Variants in PLCB4 observed in about 807,000 individuals in gnomAD.
PLCB4 encodes the protein phospholipase C beta 4.
Under a neutral mutation model 178.8 loss-of-function variants are expected in PLCB4, and 77 were observed. The ratio of observed to expected loss-of-function variants is 0.43; its 90% confidence interval spans 0.36 to 0.52. The LOEUF (loss-of-function observed/expected upper bound fraction) is 0.52, where lower values mean the gene tolerates loss of function less well. Among genes scored for constraint, PLCB4 ranks in the 20% least tolerant of loss-of-function variants. The probability of loss-of-function intolerance (pLI) is 0.00; values close to 1 mark genes in which losing one functional copy is unlikely to be tolerated. For missense variants in PLCB4, 1,024 were observed against 1,453.4 expected, an observed-to-expected ratio of 0.70 and a Z score of 4.80; for synonymous variants, 496 against 490.8, an observed-to-expected ratio of 1.01 and a Z score of -0.14.
chr20:9,470,458 A>G (rs2044113543), intron 36 of PLCB4, among the ~76,000 whole-genome samples: 2 of 152,200 alleles, frequency 1.3e-5, no homozygotes, highest in Admixed American at 1.3e-4. Context: ...TATTCCAGCC[A>G]TGATAAAACC....
chr20:9,090,510 G>GTT (rs1491024281), intron 1 of PLCB4, among the ~76,000 whole-genome samples: 2 of 96,320 alleles, frequency 2.1e-5, no homozygotes. Flanking sequence ...CATTTTTAGT[G>GTT]TGTTTTTTTT....
chr20:9,258,341 C>T (rs963069584), intron 3 of PLCB4, among the ~76,000 whole-genome samples: 2 of 152,038 alleles, frequency 1.3e-5, no homozygotes, highest in Non-Finnish European at 2.9e-5. Context: ...AACACATTTT[C>T]ACGATATTTC....
intron 3 of PLCB4, among the ~76,000 whole-genome samples, chr20:9,293,622 T>TTC (rs139529215): frequency 6.6e-6 from 1 of 150,748 alleles, no homozygotes; most frequent in South Asian, 2.1e-4. Context: ...CAGAGTAAAA[T>TTC]ATTCATTCAT....
At chr20:9,387,069 G>A (rs1224445396) in intron 14 of PLCB4, among the ~76,000 whole-genome samples, 8 of 151,562 alleles carry the variant, frequency 5.3e-5, no homozygotes, top group Non-Finnish European at 1.5e-5. Context: ...GCTAATTTTT[G>A]TATTTTTAGT....
chr20:9,296,713 A>G (rs539869854), intron 3 of PLCB4, among the ~76,000 whole-genome samples: 19 of 152,194 alleles, frequency 1.2e-4, no homozygotes, highest in Non-Finnish European at 2.8e-4. Context: ...TTGTAGGGAC[A>G]TGGATGAAGC....
chr20:9,450,658 C>CTTTTTTTTTTTTTTTTTT (rs60982044), intron 32 of PLCB4, among the ~76,000 whole-genome samples: 10 of 100,268 alleles, frequency 1.0e-4, no homozygotes, highest in South Asian at 3.3e-4. Context: ...CTTTTCTTTT[C>CTTTTTTTTTTTTTTTTTT]TTTTTTTTTT....
intron 2 of PLCB4, among the ~76,000 whole-genome samples, chr20:9,215,198 A>C: frequency 6.6e-6 from 1 of 152,204 alleles, no homozygotes; most frequent in African/African-American, 2.4e-5. Context: ...GCGTTATGGT[A>C]GGTATTGGGG....
intron 7 of PLCB4, among the ~76,000 whole-genome samples, chr20:9,345,631 G>A (rs1031469265): frequency 1.3e-5 from 2 of 152,090 alleles, no homozygotes; most frequent in African/African-American, 4.8e-5. Flanking sequence ...TTATTATGAC[G>A]TTCAAAATGC....
At chr20:9,346,327 A>G (rs1466552203) in intron 7 of PLCB4, among the ~76,000 whole-genome samples, 1 of 152,182 alleles carries the variant, frequency 6.6e-6, no homozygotes, top group Non-Finnish European at 1.5e-5. Flanking sequence ...TCAATCACTA[A>G]CATTTATATC....
At chr20:9,199,407 T>G (rs2093514266) in intron 2 of PLCB4, among the ~76,000 whole-genome samples, 1 of 152,204 alleles carries the variant, frequency 6.6e-6, no homozygotes, top group Non-Finnish European at 1.5e-5. Flanking sequence ...TTAGATAACT[T>G]TGAGAATAAA....
intron 3 of PLCB4, among the ~76,000 whole-genome samples, chr20:9,222,038 TTTATTTTATTTTA>T (rs1337499814): frequency 8.0e-4 from 1 of 1,254 alleles, no homozygotes; most frequent in African/African-American, 3.3e-3. Flanking sequence ...TTTATTTTGT[TTTATTTTATTTTA>T]TTTTATTTTA....
chr20:9,439,143 C>T (rs1269173179), intron 30 of PLCB4, among the ~76,000 whole-genome samples: 2 of 152,196 alleles, frequency 1.3e-5, no homozygotes, highest in East Asian at 1.9e-4. Flanking sequence ...AAGACAACCA[C>T]CATTTATTGA....
At chr20:9,312,780 G>T (rs1011680931) in intron 4 of PLCB4, among the ~76,000 whole-genome samples, 1 of 152,140 alleles carries the variant, frequency 6.6e-6, no homozygotes, top group Admixed American at 6.5e-5. Flanking sequence ...AGAATTTTAC[G>T]TAGGAAAGGA....
chr20:9,457,609 G>A (rs1358451654), intron 34 of PLCB4, 120 bp downstream of exon 34: 2 of 661,738 alleles, frequency 3.0e-6, no homozygotes, highest in Non-Finnish European at 5.5e-6. Flanking sequence ...GTAGCCTGCA[G>A]CTGATCTGGG....
At chr20:9,096,550 G>A (rs1289190876) in intron 2 of PLCB4, among the ~76,000 whole-genome samples, 1 of 152,214 alleles carries the variant, frequency 6.6e-6, no homozygotes, top group Non-Finnish European at 1.5e-5. Context: ...AAAAGTTGAT[G>A]TCTACAGCAG....
chr20:9,443,260 G>GA (rs1292064359), intron 30 of PLCB4, among the ~76,000 whole-genome samples: 4 of 152,258 alleles, frequency 2.6e-5, no homozygotes, highest in South Asian at 4.1e-4. Flanking sequence ...GGAGAAGCCA[G>GA]AAAAAAATGT....
chr20:9,390,306 A>G (rs1395690988), intron 16 of PLCB4, among the ~76,000 whole-genome samples: 1 of 152,216 alleles, frequency 6.6e-6, no homozygotes, highest in African/African-American at 2.4e-5. Flanking sequence ...AACTTGAAAG[A>G]CATTTTTTAT....
chr20:9,161,180 G>GC (rs1208634156), intron 2 of PLCB4, among the ~76,000 whole-genome samples: 1 of 152,164 alleles, frequency 6.6e-6, no homozygotes, highest in Non-Finnish European at 1.5e-5. Flanking sequence ...TTAGTCCAAT[G>GC]CCCCATAAAC....
intron 2 of PLCB4, among the ~76,000 whole-genome samples, chr20:9,199,243 A>T (rs1168442350): frequency 6.6e-6 from 1 of 152,212 alleles, no homozygotes; most frequent in African/African-American, 2.4e-5. Flanking sequence ...AGTCCCTAGA[A>T]TCATAACTAG....
Sources: allele counts gnomAD v4.1 joint callset (sites outside exome capture counted in the v4.1 genomes callset), GRCh38; gene constraint gnomAD v4.1.1; transcripts MANE v1.5; gene names NCBI Gene and HGNC (gene_info 2026-07-23, HGNC 2026-07-21).